KMT2C: variants seen among roughly 807,000 people sequenced by gnomAD.
KMT2C encodes lysine methyltransferase 2C.
In KMT2C, 88 loss-of-function variants were observed where a neutral mutation model predicts 507.9. That is an observed-to-expected ratio of 0.17 (90% CI 0.15 to 0.21). The LOEUF is 0.21. Among genes scored for constraint, KMT2C ranks in the 10% least tolerant of loss-of-function variants. The probability of loss-of-function intolerance (pLI) is 1.00; values close to 1 mark genes in which losing one functional copy is unlikely to be tolerated. For synonymous variants in KMT2C, 2,049 were observed against 2,080.8 expected (o/e 0.98, Z 0.42); for missense variants, 4,954 against 5,957.8 (o/e 0.83, Z 5.55).
chr7:152,338,476 G>A (rs1171753861), intron 2 of KMT2C, among the ~76,000 whole-genome samples: 2 of 152,138 alleles, frequency 1.3e-5, no homozygotes, highest in East Asian at 3.9e-4. Flanking sequence ...TGGGAGTTAA[G>A]GGGAAGAGGT....
intron 26 of KMT2C, among the ~76,000 whole-genome samples, chr7:152,202,403 A>G (rs1352333122): frequency 6.6e-6 from 1 of 152,224 alleles, no homozygotes; most frequent in Non-Finnish European, 1.5e-5. Context: ...TGTAGTCTAC[A>G]TCTATCAAAC....
chr7:152,150,861 G>A (rs3757422), intron 51 of KMT2C, 39 bp downstream of exon 51: 45,593 of 1,349,016 alleles, frequency 0.034, 1,816 homozygotes, highest in East Asian at 0.17. Flanking sequence ...GAAGTCACTC[G>A]TTACACATTG....
chr7:152,180,158 T>C, intron 36 of KMT2C, 32 bp from the exon 37 acceptor site: 4 of 1,609,934 alleles, frequency 2.5e-6, no homozygotes, highest in Non-Finnish European at 2.5e-6. Flanking sequence ...TCACTGGGAT[T>C]TGTGGTAATT....
chr7:152,350,408 G>A (rs564230066), intron 2 of KMT2C, among the ~76,000 whole-genome samples: 1 of 152,230 alleles, frequency 6.6e-6, no homozygotes, highest in East Asian at 1.9e-4. Flanking sequence ...TTCATCATTA[G>A]GCAATTTTGT....
intron 1 of KMT2C, among the ~76,000 whole-genome samples, chr7:152,411,077 A>C (rs566416285): frequency 1.8e-4 from 27 of 152,328 alleles, no homozygotes; most frequent in African/African-American, 6.5e-4. Flanking sequence ...AATTCTCTAT[A>C]ACTAGTGCTG....
chr7:152,434,891 T>C (rs963480824), intron 1 of KMT2C, among the ~76,000 whole-genome samples: 6 of 152,234 alleles, frequency 3.9e-5, no homozygotes, highest in African/African-American at 1.4e-4. Flanking sequence ...ATAAGTGCTC[T>C]TGGTATTCTG....
chr7:152,179,814 C>A lies in KMT2C; in HGVS notation c.7442+20G>T, dbSNP rs1253038164. On this transcript the variant is annotated intron_variant, in intron 37 of 58. Coordinates refer to ENST00000262189, the MANE Select transcript of KMT2C (RefSeq NM_170606.3). ...TCTTCTAATAGCAATTTAAATTCGG[C>A]AGGAAATTAAAAGCATTACCTAAAT... 1.9e-6 allele frequency: 3 copies of A among 1,606,204 alleles called. No individual in the cohort carries two copies. Among genetic ancestry groups the A allele is most frequent in the Non-Finnish European group, 2.6e-6 (3 of 1,174,586 alleles).
chr7:152,342,849 T>C (rs1484207585), intron 2 of KMT2C, among the ~76,000 whole-genome samples: 1 of 152,222 alleles, frequency 6.6e-6, no homozygotes, highest in Admixed American at 6.5e-5. Flanking sequence ...GGAGAAACTA[T>C]TTAACTAGAG....
chr7:152,343,450 G>GAA (rs200886066), intron 2 of KMT2C, among the ~76,000 whole-genome samples: 752 of 72,412 alleles, frequency 0.01, 9 homozygotes, highest in African/African-American at 0.033. Context: ...AAAAGACTGG[G>GAA]AAAAAAAAAA....
chr7:152,394,666 T>C lies in KMT2C; in HGVS notation c.162-35991A>G, dbSNP rs1382026582. On this transcript the variant is annotated intron_variant, in intron 1 of 58. Transcript: ENST00000262189. ...CTGACAATCTATAAATTCTACCTATTTGTTTGACTGTCTTCTCCCTTATCC... is the reference window on the plus strand; with the variant it reads ...CTGACAATCTATAAATTCTACCTATCTGTTTGACTGTCTTCTCCCTTATCC... 3.9e-5 allele frequency among the ~76,000 whole-genome samples: 6 copies of C among 152,326 alleles called. No individual in the cohort carries two copies. In the East Asian group the frequency reaches 9.6e-4, roughly 24 times the overall value.
At chr7:152,158,143 A>G (rs918250654) in intron 44 of KMT2C, among the ~76,000 whole-genome samples, 1 of 152,244 alleles carries the variant, frequency 6.6e-6, no homozygotes, top group Non-Finnish European at 1.5e-5. Context: ...GCATCTAACA[A>G]GAAAAACATA....
In KMT2C at chr7:152,177,792, A is replaced by G. The variant is rs761585691; in HGVS notation, c.7661T>C (p.Leu2554Pro). ...QSLPVQQHNI[L>P]GQAYIELRHR... ...TCTCAGTTCAATATATGCTTGGCCC[A>G]GTATGTTGTGCTGCTGAACTGGCAA... is the stretch of plus-strand genomic sequence containing the variant. Residue 2554 changes from leucine (L) to proline (P), a missense_variant, in exon 38 of 59, where the codon CTG (leucine) becomes CCG (proline). Leu to Pro is a moderately conservative substitution (Grantham distance 98). Around this residue, in one of 29 missense-constraint regions of KMT2C, gnomAD observed 1,689 missense variants for 1,654.3 expected, o/e 1.02. Transcript: ENST00000262189. The G allele has an allele frequency of 6.2e-7, 1 of 1,614,026 alleles. No homozygotes were observed. Among genetic ancestry groups the G allele is most frequent in the East Asian group, 2.2e-5 (1 of 44,868 alleles).
intron 2 of KMT2C, among the ~76,000 whole-genome samples, chr7:152,354,674 T>C (rs1469582234): frequency 6.6e-6 from 1 of 152,150 alleles, no homozygotes; most frequent in Non-Finnish European, 1.5e-5. Context: ...GAAAAAATTT[T>C]TCCAAGCAAA....
chr7:152,141,712 C>CAAAAAA (rs1249621681), intron 55 of KMT2C, among the ~76,000 whole-genome samples: 1 of 61,882 alleles, frequency 1.6e-5, no homozygotes, highest in African/African-American at 5.8e-5. Context: ...GACTCTGTCT[C>CAAAAAA]AAAAAAAAAA....
rs1057507571 is a variant in KMT2C, at chr7:152,136,290, G to T, written c.*542C>A. 4.6e-6 allele frequency: 1 copy of T among 217,002 alleles called. No individual in the cohort carries two copies. The allele number at this position is 217,002 out of a possible 1,614,324, so 13.4% of individuals were successfully genotyped here. On this transcript the variant is annotated 3_prime_UTR_variant, in exon 59 of 59. Coordinates refer to ENST00000262189, the MANE Select transcript of KMT2C (RefSeq NM_170606.3). ...ATCCCTTAGCTCTATCCCTAAGGAA[G>T]TCATTTCAGTACATTCCTTGTTCAG... is the stretch of plus-strand genomic sequence containing the variant.
intron 1 of KMT2C, among the ~76,000 whole-genome samples, chr7:152,380,780 G>C (rs2097367027): frequency 7.1e-6 from 1 of 140,606 alleles, no homozygotes. Flanking sequence ...ACTGGAAAAT[G>C]GGAAAAAGAT....
rs560249253 is a variant in KMT2C at position 152,264,047 on chromosome 7, G to T, written c.1185-917C>A. ...TAAAAAGTCACGTTTTATCTCCTCA[G>T]CTACGTGGAAAGATCTTGGAGGACA... On this transcript the variant is annotated intron_variant, in intron 8 of 58. Transcript: ENST00000262189. Among the ~76,000 whole-genome samples the T allele has an allele frequency of 3.9e-5, 6 of 152,208 alleles. No individual in the cohort carries two copies. The East Asian group carries it at 1.2e-3, about 29-fold the overall frequency.
At chr7:152,187,608 C>A in intron 32 of KMT2C, 107 bp downstream of exon 32, 1 of 1,446,176 alleles carries the variant, frequency 6.9e-7, no homozygotes, top group South Asian at 1.3e-5. Context: ...CCACAATAAA[C>A]GCAACATACA....
rs1289091715 is a variant in KMT2C, at chr7:152,297,047, AAGAAAGACAGAG to A, written c.849+12907_849+12918del. Among the ~76,000 whole-genome samples, 11 of 68,930 alleles carry A rather than the reference AAGAAAGACAGAG, an allele frequency of 1.6e-4. 1 individual carries two copies. Among genetic ancestry groups the A allele is most frequent in the East Asian group, 3.5e-4 (1 of 2,892 alleles). 45.2% of individuals were successfully genotyped at this position (68,930 alleles called of 152,430 possible). ...AAAGAAAGAAAGAAAGAAAGAAAGA[AAGAAAGACAGAG>A]AGAGAGAGAGAGAGAGAGAGAGAGA... On this transcript the variant is annotated intron_variant, in intron 6 of 58. Coordinates refer to ENST00000262189, the MANE Select transcript of KMT2C (RefSeq NM_170606.3).
Sources: allele counts gnomAD v4.1 joint callset (sites outside exome capture counted in the v4.1 genomes callset), GRCh38; gene constraint gnomAD v4.1.1; regional missense constraint gnomAD v4.1.1; transcripts MANE v1.5; gene names NCBI Gene and HGNC (gene_info 2026-07-23, HGNC 2026-07-21).